The following ADAMTSL5 variants were observed in gnomAD, a reference collection of about 807,000 sequenced individuals.
ADAMTSL5 encodes the protein ADAMTS-like protein 5.
In ADAMTSL5, 53 loss-of-function variants were observed where a neutral mutation model predicts 51.7. That is an observed-to-expected ratio of 1.03 (90% CI 0.82 to 1.29). The LOEUF (loss-of-function observed/expected upper bound fraction) is 1.29, where lower values mean the gene tolerates loss of function less well. ADAMTSL5 is among the 50% of genes most tolerant of loss of function. The pLI, the probability that ADAMTSL5 is intolerant of heterozygous loss-of-function variation, is 0.00. For synonymous variants in ADAMTSL5, 285 were observed against 278.7 expected (o/e 1.02, Z -0.23); for missense variants, 770 against 676.2 (o/e 1.14, Z -1.54).
At position 1,507,222 on chromosome 19, in the gene ADAMTSL5, T is replaced by G; in HGVS notation, c.852+20A>C. On this transcript the variant is annotated intron_variant, in intron 9 of 11. Coordinates refer to ENST00000330475, the MANE Select transcript of ADAMTSL5 (RefSeq NM_213604.3). ...GTCCCCAGCCGACCCCCTCTGACCCTGTTGGAGGCCCAGTGGCACCTGTAG... is the reference window on the plus strand; with the variant it reads ...GTCCCCAGCCGACCCCCTCTGACCCGGTTGGAGGCCCAGTGGCACCTGTAG... 6.6e-7 allele frequency: 1 copy of G among 1,524,420 alleles called. No individual in the cohort carries two copies. The highest frequency in any genetic ancestry group is 1.3e-5 in the South Asian group (1 of 76,392). The allele number at this position is 1,524,420 out of a possible 1,614,324, so 94.4% of individuals were successfully genotyped here.
rs1912941519 is a variant in ADAMTSL5 at position 1,506,644 on chromosome 19, G to T, written c.1060C>A (p.Pro354Thr). ...CGGTGGGCGCGGCCGCGGGTGTCAG[G>T]GCAGGGTGGGCAGGGGTCTGTGGGA... is the stretch of plus-strand genomic sequence containing the variant. ...TLAPDPCPPC[P>T]DTRGRAHRLL... The change falls in exon 11 of 12, where the codon CCT becomes ACT. Residue 354 changes from proline to threonine, a missense_variant. Physicochemically the swap from Pro to Thr is conservative, Grantham distance 38. Coordinates refer to ENST00000330475, the MANE Select transcript of ADAMTSL5 (RefSeq NM_213604.3). The surrounding 1 kb of genome is among the most constrained non-coding windows in gnomAD (Gnocchi z 5.6). 1 of 1,608,770 alleles carries T rather than the reference G, an allele frequency of 6.2e-7. No homozygotes were observed. Among genetic ancestry groups the T allele is most frequent in the African/African-American group, 1.3e-5 (1 of 74,854 alleles).
intron 1 of ADAMTSL5, among the ~76,000 whole-genome samples, chr19:1,512,255 C>T (rs1484673769): frequency 6.6e-6 from 1 of 152,196 alleles, no homozygotes; most frequent in African/African-American, 2.4e-5. Context: ...TCTGAGGCAC[C>T]AAGGGTCTAG....
In ADAMTSL5 at chr19:1,505,977, T is replaced by C; in HGVS notation, c.*38A>G. 1.3e-6 allele frequency: 2 copies of C among 1,488,592 alleles called. No individual in the cohort carries two copies. Among genetic ancestry groups the C allele is most frequent in the Non-Finnish European group, 1.8e-6 (2 of 1,126,024 alleles). The allele number at this position is 1,488,592 out of a possible 1,614,324, so 92.2% of individuals were successfully genotyped here. ...TTGACGTTGAGGCTGGTCAGATGTA[T>C]CTTTCTTGCTGTGTGTGGCCGGGGC... On this transcript the variant is annotated 3_prime_UTR_variant, in exon 12 of 12. Coordinates refer to ENST00000330475, the MANE Select transcript of ADAMTSL5 (RefSeq NM_213604.3).
chr19:1,510,806 T>A (rs762755875), intron 2 of ADAMTSL5, 39 bp downstream of exon 2: 1 of 1,514,240 alleles, frequency 6.6e-7, no homozygotes, highest in Non-Finnish European at 8.8e-7. Context: ...TGGGTCCCCA[T>A]TCCCACTCGC....
intron 1 of ADAMTSL5, among the ~76,000 whole-genome samples, chr19:1,512,571 T>C (rs1444027535): frequency 6.6e-6 from 1 of 152,114 alleles, no homozygotes; most frequent in African/African-American, 2.4e-5. Flanking sequence ...TCCCAGCTAC[T>C]TGGGAGGCTA....
rs113094765 is a variant in ADAMTSL5 at position 1,510,722 on chromosome 19, G to A, written c.108C>T (p.Gly36=). 9,386 of 1,537,702 alleles carry A rather than the reference G, an allele frequency of 6.1e-3. 498 individuals are homozygous for A. The African/African-American group carries it at 0.11, about 19-fold the overall frequency. ...TCCAGGACACCCACGGGGTCCACTCGCCCGGACCCTACTTGGGGAGACAGA... is the reference window on the plus strand; with the variant it reads ...TCCAGGACACCCACGGGGTCCACTCACCCGGACCCTACTTGGGGAGACAGA... The part of the protein sequence containing the change: ...CGLGVSAQGP[G]EWTPWVSWTR... Residue 36 remains glycine (G), a synonymous_variant, in exon 3 of 12, where the codon GGC becomes GGT. Transcript: ENST00000330475.
intron 9 of ADAMTSL5, 125 bp from the exon 10 acceptor site, chr19:1,507,053 C>G (rs1912971736): frequency 2.9e-5 from 37 of 1,284,246 alleles, no homozygotes; most frequent in Non-Finnish European, 3.8e-5. Context: ...CTCTGATGCT[C>G]TGTCCCTAGC....
In ADAMTSL5 at chr19:1,506,800, C is replaced by T. The variant is rs79538691; in HGVS notation, c.981G>A (p.Val327=). Residue 327 remains valine (V), a synonymous_variant, in exon 10 of 12, where the codon GTG becomes GTA. Transcript: ENST00000330475. The surrounding 1 kb of genome is among the most constrained non-coding windows in gnomAD (Gnocchi z 5.6). ...CAGGGGCTGCGGGGGGCTGAGGCTC[C>T]ACCCCCCGGGGCTGAGGCTGCCTCA... ...WPLRQPQPRG[V]EPQPPAAPAV... is the part of the protein sequence containing the mutation. The T allele has an allele frequency of 3.6e-3, 5,542 of 1,540,504 alleles. 209 individuals are homozygous for T. The African/African-American group carries it at 0.069, about 19-fold the overall frequency.
At position 1,506,745 on chromosome 19, in the gene ADAMTSL5, C is replaced by A. The variant is rs562374866; in HGVS notation, c.1036G>T (p.Ala346Ser). ...CTGGCTGTCCCCACCTCACCTGGGG[C>A]CAGCGTTGGGGTCTGTGCAGGGGTG... ...AVTPAQTPTL[A>S]PDPCPPCPDT... Residue 346 changes from alanine to serine, a missense_variant, in exon 10 of 12, where the codon GCC (alanine) becomes TCC (serine). Physicochemically the swap from Ala to Ser is moderately conservative, Grantham distance 99. Transcript: ENST00000330475. The surrounding 1 kb of genome is among the most constrained non-coding windows in gnomAD (Gnocchi z 5.6). 6 of 1,555,500 alleles carry A rather than the reference C, an allele frequency of 3.9e-6. No individual in the cohort carries two copies. The highest frequency in any genetic ancestry group is 1.9e-4 in the Middle Eastern group (1 of 5,266).
In ADAMTSL5 at chr19:1,510,932, G is replaced by A; in HGVS notation, c.12C>T (p.Ala4=). 1 of 1,448,706 alleles carries A rather than the reference G, an allele frequency of 6.9e-7. No individual in the cohort carries two copies. Among genetic ancestry groups the A allele is most frequent in the Non-Finnish European group, 9.0e-7 (1 of 1,109,004 alleles). 89.7% of individuals were successfully genotyped at this position (1,448,706 alleles called of 1,614,324 possible). A position where few individuals can be genotyped will look rare whatever the true frequency, so the allele number is the denominator to read the frequency against. The change falls in exon 2 of 12, where the codon GCC becomes GCT. Residue 4 remains alanine, a synonymous_variant. Transcript: ENST00000330475. The part of the protein sequence containing the change: MDS[A]PLFPRPHLFQ... ...AGAGGTGGGGCCTGGGGAACAGAGGGGCCGAGTCCATAGAGCCACCGCCAG... is the reference window on the plus strand; with the variant it reads ...AGAGGTGGGGCCTGGGGAACAGAGGAGCCGAGTCCATAGAGCCACCGCCAG...
Position 1,506,939 on chromosome 19 carries a change from G to A in ADAMTSL5, c.853-11C>T, listed in dbSNP as rs1568241267. On this transcript the variant is annotated splice_polypyrimidine_tract_variant and intron_variant, in intron 9 of 11. Coordinates refer to ENST00000330475, the MANE Select transcript of ADAMTSL5 (RefSeq NM_213604.3). The surrounding 1 kb of genome is among the most constrained non-coding windows in gnomAD (Gnocchi z 5.6). The stretch of plus-strand genomic sequence containing the variant: ...CTCCTGCAGGAGGACCTGGAGCAGG[G>A]GAGGGGACACAGGGAGCTTCACAGG... The A allele has an allele frequency of 6.5e-7, 1 of 1,542,492 alleles. No homozygotes were observed. Among genetic ancestry groups the A allele is most frequent in the African/African-American group, 1.4e-5 (1 of 72,380 alleles).
At chr19:1,509,520 G>A (rs1449541147) in intron 5 of ADAMTSL5, among the ~76,000 whole-genome samples, 1 of 151,824 alleles carries the variant, frequency 6.6e-6, no homozygotes, top group East Asian at 1.9e-4. Context: ...AGCCTGGCTG[G>A]TGGACCCTGC....
Position 1,507,333 on chromosome 19 carries a change from G to T in ADAMTSL5, c.761C>A (p.Ala254Glu). The part of the protein sequence containing the change: ...WVVSPPGTYE[A>E]AGTHVVYTRD... ...GGTGTAGACCACATGCGTGCCGGCC[G>T]CCTCGTAGGTCCCTGGTGGGCTGAC... Residue 254 changes from alanine to glutamate, a missense_variant, in exon 9 of 12, where the codon GCG becomes GAG. Physicochemically the swap from Ala to Glu is moderately radical, Grantham distance 107. Transcript: ENST00000330475. 5 of 1,594,766 alleles carry T rather than the reference G, an allele frequency of 3.1e-6. No homozygotes were observed. Among genetic ancestry groups the T allele is most frequent in the Non-Finnish European group, 4.3e-6 (5 of 1,169,730 alleles).
rs549587679 is a variant in ADAMTSL5 at position 1,505,229 on chromosome 19, A to G, written c.*786T>C. On this transcript the variant is annotated 3_prime_UTR_variant, in exon 12 of 12. Coordinates refer to ENST00000330475, the MANE Select transcript of ADAMTSL5 (RefSeq NM_213604.3). ...CAAAAAATTTAAAAGTTAGCCGGGCATGGTGATTCACACCTGGAGTTCCAG... is the reference window on the plus strand; with the variant it reads ...CAAAAAATTTAAAAGTTAGCCGGGCGTGGTGATTCACACCTGGAGTTCCAG... 6.6e-6 allele frequency: 1 copy of G among 152,384 alleles called. No individual in the cohort carries two copies. Among genetic ancestry groups the G allele is most frequent in the Non-Finnish European group, 1.5e-5 (1 of 68,178 alleles). 9.4% of individuals were successfully genotyped at this position (152,384 alleles called of 1,614,324 possible).
At position 1,510,725 on chromosome 19, in the gene ADAMTSL5, C is replaced by T. The variant is rs1913222099; in HGVS notation, c.105G>A (p.Pro35=). 12 of 1,537,282 alleles carry T rather than the reference C, an allele frequency of 7.8e-6. No individual in the cohort carries two copies. The East Asian group carries it at 1.3e-4, about 16-fold the overall frequency. Residue 35 remains proline, a synonymous_variant, in exon 3 of 12, where the codon CCG becomes CCA. Coordinates refer to ENST00000330475, the MANE Select transcript of ADAMTSL5 (RefSeq NM_213604.3). ...AGGACACCCACGGGGTCCACTCGCC[C>T]GGACCCTACTTGGGGAGACAGAGGC... ...NCGLGVSAQG[P]GEWTPWVSWT...
chr19:1,507,946 G>C (rs1913038432), intron 7 of ADAMTSL5, 52 bp downstream of exon 7: 1 of 1,524,760 alleles, frequency 6.6e-7, no homozygotes, highest in South Asian at 1.2e-5. Flanking sequence ...GCCACGGCTC[G>C]TTAAAGGGCC....
chr19:1,510,506 A>G, intron 3 of ADAMTSL5, 78 bp from the exon 4 acceptor site: 3 of 1,515,060 alleles, frequency 2.0e-6, no homozygotes. Context: ...GCCCCCGCCA[A>G]CCCCACCCGC....
In ADAMTSL5 at chr19:1,506,179, G is replaced by C. The variant is rs777352688; in HGVS notation, c.1252C>G (p.Pro418Ala). 1 of 1,609,324 alleles carries C rather than the reference G, an allele frequency of 6.2e-7. No individual in the cohort carries two copies. The highest frequency in any genetic ancestry group is 8.5e-7 in the Non-Finnish European group (1 of 1,177,606). ...YVWAPGHCPC[P>A]MLAPHRDYLM... is the part of the protein sequence containing the mutation. ...TAGTCCCGGTGGGGTGCCAGCATCG[G>C]GCAGGGGCAGTGGCCTGGCGCCCAC... Residue 418 changes from proline to alanine, a missense_variant, in exon 12 of 12, where the codon CCG (proline) becomes GCG (alanine). Physicochemically the swap from Pro to Ala is conservative, Grantham distance 27. Transcript: ENST00000330475. This position sits in a 1 kb window ranked among gnomAD's most constrained non-coding sequence, Gnocchi z 5.6.
chr19:1,507,885 A>AAGGGGGG (rs1913034291), intron 7 of ADAMTSL5, 113 bp downstream of exon 7: 1 of 1,235,022 alleles, frequency 8.1e-7, no homozygotes, highest in Non-Finnish European at 1.1e-6. Context: ...GATGAGGAGA[A>AAGGGGGG]AGGGGGGCTG....
Sources: gnomAD v4.1 joint callset for allele counts (sites outside exome capture counted in the v4.1 genomes callset) on GRCh38, gnomAD v4.1.1 for gene constraint, Gnocchi (gnomAD v3.1) non-coding constraint, MANE v1.5 for transcripts, NCBI Gene and HGNC (gene_info 2026-07-23, HGNC 2026-07-21) for gene names.